The following ZNF536 variants were observed in gnomAD, a reference collection of about 807,000 sequenced individuals.
The protein encoded by ZNF536 is zinc finger protein 536.
In ZNF536, 13 loss-of-function variants were observed where a neutral mutation model predicts 84.5. The observed-to-expected ratio is 0.15, with a 90% CI of 0.10 to 0.24. The LOEUF (loss-of-function observed/expected upper bound fraction) is 0.24. ZNF536 is among the 10% of genes least tolerant of loss of function. The pLI is 1.00. For synonymous variants in ZNF536, 811 were observed against 742.5 expected (o/e 1.09, Z -1.50); for missense variants, 1,536 against 1,747.5 (o/e 0.88, Z 2.16).
chr19:30,474,119 A>G (rs1038037943), intron 2 of ZNF536, among the ~76,000 whole-genome samples: 5 of 152,164 alleles, frequency 3.3e-5, no homozygotes, highest in African/African-American at 1.2e-4. Context: ...GCATATGGGA[A>G]AGAAGGCATG....
At chr19:30,700,213 C>CTTCTTTCTTTCTTTCTTTCTTTCT (rs60390336) in intron 1 of ZNF536, among the ~76,000 whole-genome samples, 6 of 102,676 alleles carry the variant, frequency 5.8e-5, no homozygotes, top group African/African-American at 1.8e-4. Flanking sequence ...TCTTTCTTTC[C>CTTCTTTCTTTCTTTCTTTCTTTCT]TTCTTTCTTT....
chr19:30,479,368 C>T (rs751932515), intron 2 of ZNF536, among the ~76,000 whole-genome samples: 11 of 152,272 alleles, frequency 7.2e-5, no homozygotes, highest in South Asian at 2.1e-4. Context: ...CAAATTCCAC[C>T]GGCTGAAAGT....
At chr19:30,267,652 C>T (rs553256796) in intron 1 of ZNF536, among the ~76,000 whole-genome samples, 4 of 152,212 alleles carry the variant, frequency 2.6e-5, no homozygotes, top group Admixed American at 1.3e-4. Flanking sequence ...TCTGTGGGTG[C>T]GGCTTCAGGC....
intron 1 of ZNF536, among the ~76,000 whole-genome samples, chr19:30,254,370 A>T (rs2024792710): frequency 6.6e-6 from 1 of 152,172 alleles, no homozygotes; most frequent in Non-Finnish European, 1.5e-5. Flanking sequence ...CCAATGAGAC[A>T]GGAAAGAATG....
At chr19:30,383,764 TTTC>T (rs1568376997) in intron 1 of ZNF536, among the ~76,000 whole-genome samples, 13 of 2,660 alleles carry the variant, frequency 4.9e-3, no homozygotes, top group Middle Eastern at 0.1. Flanking sequence ...TTTCTCTTTC[TTTC>T]TTTCTTTTCT....
At chr19:30,514,086 C>G (rs935429296) in intron 2 of ZNF536, among the ~76,000 whole-genome samples, 1 of 152,132 alleles carries the variant, frequency 6.6e-6, no homozygotes, top group Non-Finnish European at 1.5e-5. Context: ...GTCCTTGACC[C>G]GTGGCAGGCT....
chr19:30,628,706 TA>T (rs1472443056), intron 1 of ZNF536, among the ~76,000 whole-genome samples: 2 of 151,998 alleles, frequency 1.3e-5, no homozygotes, highest in East Asian at 3.9e-4. Flanking sequence ...TTTATTTATT[TA>T]TTTTTTTGTT....
intron 2 of ZNF536, among the ~76,000 whole-genome samples, chr19:30,330,500 C>T (rs2047176266): frequency 6.6e-6 from 1 of 152,130 alleles, no homozygotes; most frequent in Non-Finnish European, 1.5e-5. Flanking sequence ...ATGGGGAGGC[C>T]TCGTTACAAG....
intron 1 of ZNF536, among the ~76,000 whole-genome samples, chr19:30,265,732 T>G (rs1003973016): frequency 2.0e-5 from 3 of 152,152 alleles, no homozygotes; most frequent in Non-Finnish European, 4.4e-5. Flanking sequence ...TGGTATCACC[T>G]TGTCATCTCC....
intron 1 of ZNF536, among the ~76,000 whole-genome samples, chr19:30,700,355 C>CTTCCTTCCTTCCTCCTTTCTTACT (rs2051887425): frequency 6.8e-6 from 1 of 146,350 alleles, no homozygotes; most frequent in Admixed American, 6.9e-5. Flanking sequence ...CCCCTCCTTC[C>CTTCCTTCCTTCCTCCTTTCTTACT]TTCCTTCCTT....
intron 2 of ZNF536, among the ~76,000 whole-genome samples, chr19:30,285,655 C>T (rs2045600202): frequency 6.6e-6 from 1 of 152,224 alleles, no homozygotes; most frequent in Non-Finnish European, 1.5e-5. Context: ...CCATCCACTC[C>T]TCTAGCTGTG....
At chr19:30,529,528 G>A (rs944706673) in intron 2 of ZNF536, among the ~76,000 whole-genome samples, 2 of 152,156 alleles carry the variant, frequency 1.3e-5, no homozygotes, top group African/African-American at 4.8e-5. Context: ...CCCCTCCTCT[G>A]AATACTTGGG....
intron 1 of ZNF536, among the ~76,000 whole-genome samples, chr19:30,574,514 A>G (rs2046660853): frequency 6.6e-6 from 1 of 152,218 alleles, no homozygotes; most frequent in Non-Finnish European, 1.5e-5. Flanking sequence ...TCTTTCCCTC[A>G]CTGATGCCCA....
At position 30,383,696 on chromosome 19, in the gene ZNF536, TCTTTC is replaced by T. The variant is rs1466269481; in HGVS notation, c.-3+11141_-3+11145del. On this transcript the variant is annotated intron_variant, in intron 1 of 4. Coordinates refer to ENST00000355537, the MANE Select transcript of ZNF536 (RefSeq NM_014717.3). ...TCTTCCTTTCTTCCTTCCTTTCTTT[TCTTTC>T]TCTTTCTTTCTTTCTTTCTTTCTTT... Among the ~76,000 whole-genome samples the T allele has an allele frequency of 2.4e-3, 20 of 8,440 alleles. 2 individuals carry two copies. The highest frequency in any genetic ancestry group is 8.1e-3 in the African/African-American group (18 of 2,214). 5.5% of individuals were successfully genotyped at this position (8,440 alleles called of 152,430 possible). A position where few individuals can be genotyped will look rare whatever the true frequency, so the allele number is the denominator to read the frequency against.
intron 1 of ZNF536, among the ~76,000 whole-genome samples, chr19:30,422,551 A>G (rs2147863075): frequency 6.6e-6 from 1 of 152,226 alleles, no homozygotes; most frequent in African/African-American, 2.4e-5. Flanking sequence ...TCCTGCTCTC[A>G]GTTTGGGTAT....
Position 30,315,708 on chromosome 19 carries a change from CCTT to C in ZNF536, c.-120+31570_-120+31572del, listed in dbSNP as rs374722603. ...ACCCCTTTCAACTCTACTTCCAAAT[CCTT>C]CTCCCATCGATGGAGAAAATTCCTA... On this transcript the variant is annotated intron_variant, in intron 2 of 5. Coordinates refer to the ZNF536 transcript ENST00000585628. Among the ~76,000 whole-genome samples the C allele has an allele frequency of 6.9e-4, 105 of 152,304 alleles. 1 individual carries two copies. The Middle Eastern group carries it at 0.02, about 30-fold the overall frequency.
intron 1 of ZNF536, among the ~76,000 whole-genome samples, chr19:30,433,439 G>A (rs1437934837): frequency 6.6e-6 from 1 of 152,210 alleles, no homozygotes; most frequent in Non-Finnish European, 1.5e-5. Context: ...ATCAAAAGAT[G>A]CCAGTCCCAC....
intron 1 of ZNF536, among the ~76,000 whole-genome samples, chr19:30,635,835 G>T (rs2049044805): frequency 6.6e-6 from 1 of 152,204 alleles, no homozygotes; most frequent in East Asian, 1.9e-4. Flanking sequence ...TCCAAACACA[G>T]CAGGACACTG....
At chr19:30,584,491 G>A (rs1274925209) in intron 1 of ZNF536, among the ~76,000 whole-genome samples, 1 of 152,188 alleles carries the variant, frequency 6.6e-6, no homozygotes, top group Admixed American at 6.5e-5. Flanking sequence ...TTAAATAAAA[G>A]TGTGTGACTC....
Sources: gnomAD v4.1 joint callset for allele counts (sites outside exome capture counted in the v4.1 genomes callset) on GRCh38, gnomAD v4.1.1 for gene constraint, MANE v1.5 for transcripts, NCBI Gene and HGNC (gene_info 2026-07-23, HGNC 2026-07-21) for gene names.